Variants in ELF1 observed in about 807,000 individuals in gnomAD.
The protein encoded by ELF1 is E74 like ETS transcription factor 1.
A neutral mutation model predicts 59.9 loss-of-function variants in ELF1; 24 were observed. The ratio of observed to expected loss-of-function variants is 0.40; its 90% CI spans 0.29 to 0.56. The LOEUF is 0.56. Among genes scored for constraint, ELF1 ranks in the 20% least tolerant of loss-of-function variants. ELF1 has a pLI of 0.44. For missense variants in ELF1, 627 were observed against 742.2 expected, an observed-to-expected ratio of 0.84 and a Z score of 1.80; for synonymous variants, 248 against 266.2, an observed-to-expected ratio of 0.93 and a Z score of 0.67.
At chr13:41,010,553 C>G (rs1875004147) in intron 1 of ELF1, among the ~76,000 whole-genome samples, 1 of 145,998 alleles carries the variant, frequency 6.8e-6, no homozygotes, top group Non-Finnish European at 1.5e-5. Flanking sequence ...ACATCGAAAA[C>G]TAATCTAGTT....
intron 1 of ELF1, among the ~76,000 whole-genome samples, chr13:41,057,716 AAG>A (rs1275342502): frequency 7.9e-5 from 12 of 152,202 alleles, no homozygotes; most frequent in African/African-American, 2.7e-4. Flanking sequence ...GCAAATATTA[AAG>A]AGGTTATTTG....
intron 2 of ELF1, among the ~76,000 whole-genome samples, chr13:40,961,763 C>G (rs1871837535): frequency 6.6e-6 from 1 of 152,272 alleles, no homozygotes. Flanking sequence ...AGCTCCTGGT[C>G]TTCTAACAAG....
At position 40,951,402 on chromosome 13, in the gene ELF1, A is replaced by C. The variant is rs1453252651; in HGVS notation, c.288T>G (p.Ile96Met). 6.2e-7 allele frequency: 1 copy of C among 1,613,914 alleles called. No individual in the cohort carries two copies. The highest frequency in any genetic ancestry group is 1.7e-5 in the Admixed American group (1 of 60,006). Residue 96 changes from isoleucine to methionine, a missense_variant, in exon 4 of 9, where the codon ATT becomes ATG. Around this residue, in one of 3 missense-constraint regions of ELF1, gnomAD observed 232 missense variants for 269.2 expected, o/e 0.86. Transcript: ENST00000239882. ...EASCHDGDETIETIEAAEALL... is the reference protein window; with the variant it reads ...EASCHDGDETMETIEAAEALL... ...GTGCCTCAGCAGCCTCAATAGTTTC[A>C]ATTGTTTCATCCCCGTCATGACAAG...
chr13:41,044,794 T>G (rs1876771600), intron 1 of ELF1, among the ~76,000 whole-genome samples: 1 of 152,216 alleles, frequency 6.6e-6, no homozygotes, highest in Non-Finnish European at 1.5e-5. Context: ...GGTATCAGGA[T>G]GATGCTGGCC....
At chr13:41,036,314 T>C (rs980210510) in intron 1 of ELF1, among the ~76,000 whole-genome samples, 12 of 152,226 alleles carry the variant, frequency 7.9e-5, no homozygotes, top group Non-Finnish European at 1.3e-4. Context: ...TATTCATATT[T>C]CTTAATGCCA....
At chr13:41,054,087 A>G in intron 1 of ELF1, among the ~76,000 whole-genome samples, 1 of 152,242 alleles carries the variant, frequency 6.6e-6, no homozygotes, top group East Asian at 1.9e-4. Flanking sequence ...AAAGGGATAA[A>G]TGACCATTTC....
In ELF1 at chr13:40,951,866, T is replaced by A. The variant is rs1448968890; in HGVS notation, c.254-430A>T. On this transcript the variant is annotated intron_variant, in intron 3 of 8. Coordinates refer to ENST00000239882, the MANE Select transcript of ELF1 (RefSeq NM_172373.4). ...TGGGTGACAGAGTGAGACTCTGTCT[T>A]AAAAAAAAAAAACAGAAACTATTAC... 1.7e-4 allele frequency among the ~76,000 whole-genome samples: 24 copies of A among 142,870 alleles called. No homozygotes were observed. The East Asian group carries it at 4.6e-3, about 27-fold the overall frequency. The allele number at this position is 142,870 out of a possible 152,430, so 93.7% of individuals were successfully genotyped here.
intron 1 of ELF1, among the ~76,000 whole-genome samples, chr13:40,991,324 A>G (rs1233276132): frequency 6.6e-6 from 1 of 152,268 alleles, no homozygotes; most frequent in Non-Finnish European, 1.5e-5. Flanking sequence ...ATTTTGACAG[A>G]TGTCCCATAG....
rs373094463 is a variant in ELF1 at position 40,984,433 on chromosome 13, G to A, written c.-228-2151C>T. Among the ~76,000 whole-genome samples the A allele has an allele frequency of 1.4e-4, 22 of 152,268 alleles. No homozygotes were observed. The East Asian group carries it at 3.9e-3, about 27-fold the overall frequency. ...TAAAAAATTAGTTGGCTGTGTTGGT[G>A]TGTGTGCATTTGTGATCCTAGCTAC... On this transcript the variant is annotated intron_variant, in intron 1 of 8. Coordinates refer to ENST00000239882, the MANE Select transcript of ELF1 (RefSeq NM_172373.4).
intron 8 of ELF1, among the ~76,000 whole-genome samples, chr13:40,937,124 C>G (rs938968222): frequency 6.6e-6 from 1 of 152,226 alleles, no homozygotes; most frequent in African/African-American, 2.4e-5. Context: ...TCTTTGCCAA[C>G]CACAGAATTA....
rs192616195 is a variant in ELF1 at position 40,935,177 on chromosome 13, G to C, written c.1257-1149C>G. 4.2e-3 allele frequency among the ~76,000 whole-genome samples: 646 copies of C among 152,238 alleles called. 8 individuals carry two copies. The highest frequency in any genetic ancestry group is 0.015 in the African/African-American group (614 of 41,530). ...ATTATGAGTCAATCTAATTTAAAAA[G>C]TTCACAGCTCTGAAATTTATAGTTA... On this transcript the variant is annotated intron_variant, in intron 8 of 8. Coordinates refer to ENST00000239882, the MANE Select transcript of ELF1 (RefSeq NM_172373.4).
chr13:41,001,314 A>G (rs1874431769), intron 1 of ELF1, among the ~76,000 whole-genome samples: 1 of 152,064 alleles, frequency 6.6e-6, no homozygotes, highest in South Asian at 2.1e-4. Flanking sequence ...AAGGCTGGGC[A>G]TGGTGGCTCA....
chr13:41,001,736 T>C (rs1276993078), intron 1 of ELF1, among the ~76,000 whole-genome samples: 1 of 152,150 alleles, frequency 6.6e-6, no homozygotes, highest in Non-Finnish European at 1.5e-5. Context: ...CCAGATGCAG[T>C]GGCACGCTCC....
intron 3 of ELF1, among the ~76,000 whole-genome samples, chr13:40,956,949 C>A (rs943278313): frequency 6.6e-6 from 1 of 150,998 alleles, no homozygotes; most frequent in Non-Finnish European, 1.5e-5. Context: ...ACCTTGGCCT[C>A]CCAAAGTGCT....
intron 3 of ELF1, among the ~76,000 whole-genome samples, chr13:40,954,701 C>G (rs1311501806): frequency 6.6e-6 from 1 of 152,036 alleles, no homozygotes; most frequent in Admixed American, 6.6e-5. Flanking sequence ...CCGCCAGCCT[C>G]GGCCTCCCGA....
intron 2 of ELF1, among the ~76,000 whole-genome samples, chr13:40,960,198 A>G (rs1386057797): frequency 6.6e-6 from 1 of 152,240 alleles, no homozygotes; most frequent in African/African-American, 2.4e-5. Flanking sequence ...AATAACATTA[A>G]TACAATACTA....
At chr13:41,060,050 C>G (rs1877448390) in intron 1 of ELF1, among the ~76,000 whole-genome samples, 1 of 152,186 alleles carries the variant, frequency 6.6e-6, no homozygotes, top group Admixed American at 6.5e-5. Context: ...GGGTACTTTC[C>G]GTGACTGCGA....
rs1460939862 is a variant in ELF1 at position 40,999,378 on chromosome 13, T to C, written c.-228-17096A>G. The stretch of plus-strand genomic sequence containing the variant: ...GAAAGGAAAAGATAGTAAAAATATA[T>C]TGTGTCTGTGCGTGTATGCGTACGT... On this transcript the variant is annotated intron_variant, in intron 1 of 8. Coordinates refer to ENST00000239882, the MANE Select transcript of ELF1 (RefSeq NM_172373.4). Among the ~76,000 whole-genome samples, 5 of 152,314 alleles carry C rather than the reference T, an allele frequency of 3.3e-5. No homozygotes were observed. The East Asian group carries it at 9.6e-4, about 29-fold the overall frequency.
At chr13:41,010,488 G>GGT (rs1330188850) in intron 1 of ELF1, among the ~76,000 whole-genome samples, 1 of 119,662 alleles carries the variant, frequency 8.4e-6, no homozygotes, top group African/African-American at 3.4e-5. Flanking sequence ...ATAGGTATGA[G>GGT]GTGTATGTGT....
Sources: allele counts gnomAD v4.1 joint callset (sites outside exome capture counted in the v4.1 genomes callset), GRCh38; gene constraint gnomAD v4.1.1; regional missense constraint gnomAD v4.1.1; transcripts MANE v1.5; gene names NCBI Gene and HGNC (gene_info 2026-07-23, HGNC 2026-07-21).